Variants in DCC observed in about 807,000 individuals in gnomAD.
The protein encoded by DCC is netrin receptor DCC.
A neutral mutation model predicts 172.5 loss-of-function variants in DCC; 58 were observed. That is an observed-to-expected ratio of 0.34 (90% CI 0.27 to 0.42). The LOEUF is 0.42. DCC is among the 10% of genes least tolerant of loss of function. DCC has a pLI of 1.00. For synonymous variants in DCC, 709 were observed against 644.5 expected, an observed-to-expected ratio of 1.10 and a Z score of -1.52; for missense variants, 1,740 against 1,791.0, an observed-to-expected ratio of 0.97 and a Z score of 0.51.
intron 27 of DCC, among the ~76,000 whole-genome samples, chr18:53,512,625 T>C (rs1372788437): frequency 6.6e-6 from 1 of 151,694 alleles, no homozygotes; most frequent in Non-Finnish European, 1.5e-5. Flanking sequence ...AAGGAGCTGA[T>C]GGAGCTGAAA....
chr18:53,232,444 T>G (rs539211544), intron 12 of DCC, among the ~76,000 whole-genome samples: 3 of 152,294 alleles, frequency 2.0e-5, no homozygotes, highest in African/African-American at 7.2e-5. Context: ...GATCTGATTT[T>G]CCATGAAAAC....
intron 2 of DCC, among the ~76,000 whole-genome samples, chr18:52,855,691 G>A (rs2039041056): frequency 6.6e-6 from 1 of 152,006 alleles, no homozygotes; most frequent in African/African-American, 2.4e-5. Context: ...ATTGTTAGAG[G>A]GGCATCTACA....
At chr18:53,158,267 C>T (rs2054778829) in intron 8 of DCC, among the ~76,000 whole-genome samples, 1 of 152,162 alleles carries the variant, frequency 6.6e-6, no homozygotes, top group Non-Finnish European at 1.5e-5. Context: ...GTGGATATTA[C>T]TATTGACTAA....
intron 1 of DCC, among the ~76,000 whole-genome samples, chr18:52,504,790 G>A (rs1430682588): frequency 6.6e-6 from 1 of 151,584 alleles, no homozygotes; most frequent in South Asian, 2.1e-4. Flanking sequence ...CCACCTCAGT[G>A]TAAAAGCCAC....
chr18:53,135,281 G>C (rs1351533757), intron 7 of DCC, among the ~76,000 whole-genome samples: 1 of 152,082 alleles, frequency 6.6e-6, no homozygotes, highest in Non-Finnish European at 1.5e-5. Context: ...TAACTTGGCA[G>C]CCTTAAGCTC....
intron 9 of DCC, among the ~76,000 whole-genome samples, chr18:53,201,309 C>T (rs1432115250): frequency 1.3e-5 from 2 of 152,154 alleles, no homozygotes; most frequent in Non-Finnish European, 2.9e-5. Context: ...AAAGAACACC[C>T]TTTCCATGTG....
rs1364105292 is a variant in DCC, at chr18:53,005,645, T to TACTCGGAGAC, written c.986-57660_986-57659insACTCGGAGAC. Among the ~76,000 whole-genome samples the TACTCGGAGAC allele has an allele frequency of 2.0e-5, 3 of 152,236 alleles. No homozygotes were observed. In the East Asian group the frequency reaches 5.8e-4, roughly 29 times the overall value. ...CGGGAGACTGAGCCAGGAGAATCGA[T>TACTCGGAGAC]TGAACCCCAGAGGTGGAGCTTGCAG... On this transcript the variant is annotated intron_variant, in intron 5 of 28. Transcript: ENST00000442544.
chr18:53,392,430 C>G (rs1908610479), intron 17 of DCC, among the ~76,000 whole-genome samples: 2 of 152,112 alleles, frequency 1.3e-5, no homozygotes. Context: ...AATCCACACT[C>G]CCATTTAGCT....
intron 1 of DCC, among the ~76,000 whole-genome samples, chr18:52,382,800 A>T (rs1302216385): frequency 1.3e-5 from 2 of 152,102 alleles, no homozygotes; most frequent in African/African-American, 4.8e-5. Context: ...GCTTGATTCC[A>T]TTGTTACATA....
chr18:52,566,343 C>T (rs1033128328), intron 1 of DCC, among the ~76,000 whole-genome samples: 2 of 151,970 alleles, frequency 1.3e-5, no homozygotes, highest in African/African-American at 4.8e-5. Flanking sequence ...GGGAGGGGAA[C>T]ATCATCACAC....
At chr18:52,533,237 G>A (rs2032201131) in intron 1 of DCC, among the ~76,000 whole-genome samples, 1 of 151,972 alleles carries the variant, frequency 6.6e-6, no homozygotes. Flanking sequence ...CCGACTTCCA[G>A]TTTTACTTGT....
At chr18:53,249,075 T>G (rs760093193) in intron 12 of DCC, among the ~76,000 whole-genome samples, 2 of 151,972 alleles carry the variant, frequency 1.3e-5, no homozygotes, top group East Asian at 1.9e-4. Flanking sequence ...CATAGAAATT[T>G]TACTGCTTTC....
chr18:52,737,846 A>G lies in DCC; in HGVS notation c.92-14208A>G, dbSNP rs1019422586. On this transcript the variant is annotated intron_variant, in intron 1 of 28. Transcript: ENST00000442544. ...ATCTTTTAAAGCTTATAAATGCTAA[A>G]TCTATTACCAAAAGAATGGAGTGTT... Among the ~76,000 whole-genome samples, 5 of 152,134 alleles carry G rather than the reference A, an allele frequency of 3.3e-5. No individual in the cohort carries two copies. The East Asian group carries it at 9.7e-4, about 29-fold the overall frequency.
chr18:53,324,041 T>TA (rs1351798718), intron 14 of DCC, among the ~76,000 whole-genome samples: 15 of 152,132 alleles, frequency 9.9e-5, no homozygotes, highest in Admixed American at 8.5e-4. Context: ...AAGGTTGATT[T>TA]AAAAAAATAG....
At chr18:53,053,055 A>T (rs1001260773) in intron 5 of DCC, among the ~76,000 whole-genome samples, 5 of 152,148 alleles carry the variant, frequency 3.3e-5, no homozygotes, top group Non-Finnish European at 7.4e-5. Context: ...AGGCAGGAGA[A>T]GCACTTGAAC....
intron 1 of DCC, among the ~76,000 whole-genome samples, chr18:52,702,591 G>A (rs2036143434): frequency 6.6e-6 from 1 of 152,024 alleles, no homozygotes. Flanking sequence ...CTCCAAGAAA[G>A]TACTGGACTC....
chr18:53,175,316 G>A (rs1005301441), intron 8 of DCC, among the ~76,000 whole-genome samples: 1 of 151,832 alleles, frequency 6.6e-6, no homozygotes, highest in African/African-American at 2.4e-5. Context: ...AGTGTTGGAA[G>A]TTCTGGCCAG....
chr18:52,863,549 A>G (rs2039176688), intron 2 of DCC, among the ~76,000 whole-genome samples: 1 of 151,744 alleles, frequency 6.6e-6, no homozygotes, highest in African/African-American at 2.4e-5. Flanking sequence ...ATGTCTTAGC[A>G]TTATATCTTA....
chr18:53,427,943 TTATAA>T (rs1568125037), intron 21 of DCC, among the ~76,000 whole-genome samples: 1 of 52,242 alleles, frequency 1.9e-5, no homozygotes, highest in African/African-American at 5.6e-5. Flanking sequence ...ATATAATATA[TTATAA>T]TATATAATAT....
Sources: gnomAD v4.1 joint callset for allele counts (sites outside exome capture counted in the v4.1 genomes callset) on GRCh38, gnomAD v4.1.1 for gene constraint, MANE v1.5 for transcripts, NCBI Gene and HGNC (gene_info 2026-07-23, HGNC 2026-07-21) for gene names.